C2CD3: variants seen among roughly 807,000 people sequenced by gnomAD.
The protein encoded by C2CD3 is C2 domain-containing protein 3.
C2CD3 carries 148 observed loss-of-function variants against 234.0 expected under a neutral mutation model. The ratio of observed to expected loss-of-function variants is 0.63; its 90% CI spans 0.55 to 0.72. The LOEUF is 0.72. Among genes scored for constraint, C2CD3 ranks in the 30% least tolerant of loss-of-function variants. The pLI, the probability that C2CD3 is intolerant of heterozygous loss-of-function variation, is 0.00. For missense variants in C2CD3, 2,577 were observed against 2,811.5 expected, an observed-to-expected ratio of 0.92 and a Z score of 1.89; for synonymous variants, 1,000 against 1,035.4, an observed-to-expected ratio of 0.97 and a Z score of 0.66.
At chr11:74,056,937 A>G (rs966907985) in intron 25 of C2CD3, among the ~76,000 whole-genome samples, 4 of 135,478 alleles carry the variant, frequency 3.0e-5, no homozygotes, top group Non-Finnish European at 6.2e-5. Context: ...GTCTTGCTAT[A>G]TTGCCCAGGC....
intron 7 of C2CD3, among the ~76,000 whole-genome samples, chr11:74,125,204 G>T (rs1267420746): frequency 1.3e-5 from 2 of 151,934 alleles, no homozygotes; most frequent in African/African-American, 2.4e-5. Flanking sequence ...TTGCTTTATT[G>T]CCCAGCCTGG....
chr11:74,094,704 A>C (rs1956041661), intron 17 of C2CD3, among the ~76,000 whole-genome samples: 1 of 152,196 alleles, frequency 6.6e-6, no homozygotes, highest in Non-Finnish European at 1.5e-5. Context: ...CAAGTCACTT[A>C]ATGCTTGTGA....
In C2CD3 at chr11:74,014,543, G is replaced by A. The variant is rs556085145; in HGVS notation, c.6922-1018C>T. ...AGGCCCAGCGAGAGTTGCGCCCAGC[G>A]AGAGTTGCGCCCAGCGAGAGTTGCT... On this transcript the variant is annotated intron_variant, in intron 32 of 32. Transcript: ENST00000334126. Among the ~76,000 whole-genome samples the A allele has an allele frequency of 1.8e-3, 267 of 152,244 alleles. 1 individual carries two copies. The highest frequency in any genetic ancestry group is 3.0e-3 in the Non-Finnish European group (203 of 68,014).
In C2CD3 at chr11:74,059,298, C is replaced by G. The variant is rs541986814; in HGVS notation, c.4952-1754G>C. On this transcript the variant is annotated intron_variant, in intron 24 of 32. Transcript: ENST00000334126. ...TGGTGGTGGCTGCCTGTAGTCCCAG[C>G]TACTTGGGAGGCTGAGGCAGGAGAA... Among the ~76,000 whole-genome samples, 21 of 150,064 alleles carry G rather than the reference C, an allele frequency of 1.4e-4. No homozygotes were observed. In the East Asian group the frequency reaches 3.7e-3, roughly 27 times the overall value.
chr11:74,078,093 T>A (rs780420656), intron 23 of C2CD3, 22 bp downstream of exon 23: 1 of 1,599,548 alleles, frequency 6.3e-7, no homozygotes, highest in Middle Eastern at 1.8e-4. Context: ...ACTACAAGAG[T>A]TGAATCAGGC....
At chr11:74,116,030 T>C (rs1031654482) in intron 9 of C2CD3, among the ~76,000 whole-genome samples, 2 of 152,136 alleles carry the variant, frequency 1.3e-5, no homozygotes, top group African/African-American at 4.8e-5. Context: ...TTCTAGAAGA[T>C]AACAATGGAA....
At chr11:74,027,975 G>A (rs909728198) in intron 32 of C2CD3, among the ~76,000 whole-genome samples, 7 of 152,058 alleles carry the variant, frequency 4.6e-5, no homozygotes, top group Non-Finnish European at 1.0e-4. Context: ...CTACCTGCTT[G>A]GTGGGGACTC....
At chr11:74,147,087 T>TA (rs912803420) in intron 3 of C2CD3, among the ~76,000 whole-genome samples, 1 of 151,472 alleles carries the variant, frequency 6.6e-6, no homozygotes, top group Non-Finnish European at 1.5e-5. Context: ...TAAAATGAAA[T>TA]AAAAAAAATT....
chr11:74,079,992 A>G (rs1421976375), intron 22 of C2CD3, among the ~76,000 whole-genome samples: 2 of 152,164 alleles, frequency 1.3e-5, no homozygotes, highest in African/African-American at 4.8e-5. Context: ...GGCCACAGAC[A>G]CTATGTAAAT....
At position 74,078,120 on chromosome 11, in the gene C2CD3, A is replaced by T; in HGVS notation, c.4598T>A (p.Val1533Asp). The T allele has an allele frequency of 6.2e-7, 1 of 1,611,998 alleles. No individual in the cohort carries two copies. ...LGERSARTLT[V>D]SGVYPLFGRN... ...GAATCAGGCTCCTCACTTACCACTG[A>T]CAGTTAGCGTCCTCGCTGACCTCTC... Residue 1533 changes from valine (V) to aspartate (D), a missense_variant, in exon 23 of 33, where the codon GTC becomes GAC. Physicochemically the swap from Val to Asp is radical, Grantham distance 152. Transcript: ENST00000334126.
chr11:74,072,178 A>G (rs75869543), intron 24 of C2CD3, among the ~76,000 whole-genome samples: 3,520 of 152,200 alleles, frequency 0.023, 77 homozygotes, highest in African/African-American at 0.051. Flanking sequence ...AAATTGTTCA[A>G]TTTTGTGATT....
Position 74,139,790 on chromosome 11 carries a change from G to A in C2CD3, c.522C>T (p.Asp174=). 3 of 1,613,556 alleles carry A rather than the reference G, an allele frequency of 1.9e-6. No individual in the cohort carries two copies. The highest frequency in any genetic ancestry group is 2.5e-6 in the Non-Finnish European group (3 of 1,179,496). ...LALEPLSETY[D]SYHPLPTTDM... ...CAGTGGTAGGAAGTGGATGGTAGCT[G>A]TCGTAAGTTTCTGACAGAGGTTCCA... Residue 174 remains aspartate (D), a synonymous_variant, in exon 4 of 33, where the codon GAC becomes GAT. Coordinates refer to ENST00000334126, the MANE Select transcript of C2CD3 (RefSeq NM_001286577.2).
chr11:74,168,041 C>A, intron 2 of C2CD3: 1 of 246,684 alleles, frequency 4.1e-6, no homozygotes, highest in African/African-American at 2.3e-5. Flanking sequence ...AGCCATTTAT[C>A]AACTTTGTGA....
intron 31 of C2CD3, among the ~76,000 whole-genome samples, chr11:74,031,433 T>C (rs1952518596): frequency 6.6e-6 from 1 of 152,230 alleles, no homozygotes; most frequent in South Asian, 2.1e-4. Context: ...CAGTTTGTCC[T>C]GACTAGAACT....
At chr11:74,143,238 T>G (rs934848079) in intron 3 of C2CD3, among the ~76,000 whole-genome samples, 15 of 152,194 alleles carry the variant, frequency 9.9e-5, no homozygotes, top group African/African-American at 3.6e-4. Context: ...CCTACAATTA[T>G]CTACTATATC....
chr11:74,052,372 G>A (rs1410157049), intron 26 of C2CD3, among the ~76,000 whole-genome samples: 1 of 152,192 alleles, frequency 6.6e-6, no homozygotes, highest in East Asian at 1.9e-4. Flanking sequence ...TGCAAGGCCA[G>A]TACTATTATT....
intron 20 of C2CD3, among the ~76,000 whole-genome samples, chr11:74,087,088 G>T (rs1955671554): frequency 6.6e-6 from 1 of 152,026 alleles, no homozygotes; most frequent in African/African-American, 2.4e-5. Flanking sequence ...GATGCTTACT[G>T]CAATTTCATT....
chr11:74,147,989 A>G (rs1284558392), intron 3 of C2CD3, among the ~76,000 whole-genome samples: 1 of 152,352 alleles, frequency 6.6e-6, no homozygotes, highest in East Asian at 1.9e-4. Flanking sequence ...GTACAGTACA[A>G]TATTTAGGAT....
intron 11 of C2CD3, chr11:74,113,090 T>C (rs574476405): frequency 1.3e-5 from 2 of 152,358 alleles, no homozygotes; most frequent in South Asian, 2.1e-4. Context: ...ATGTGGTATA[T>C]CTATGCAATG....
Sources: gnomAD v4.1 joint callset for allele counts (sites outside exome capture counted in the v4.1 genomes callset) on GRCh38, gnomAD v4.1.1 for gene constraint, MANE v1.5 for transcripts, NCBI Gene and HGNC (gene_info 2026-07-23, HGNC 2026-07-21) for gene names.